Variants in TENM2 observed in about 807,000 individuals in gnomAD.
TENM2 encodes the protein teneurin-2.
In TENM2, 52 loss-of-function variants were observed where a neutral mutation model predicts 245.2. The observed-to-expected ratio is 0.21, with a 90% CI of 0.17 to 0.27. The LOEUF (loss-of-function observed/expected upper bound fraction) is 0.27. TENM2 is among the 10% of genes least tolerant of loss of function. The pLI is 1.00. For missense variants in TENM2, 3,046 were observed against 3,666.8 expected (o/e 0.83, Z 4.37); for synonymous variants, 1,363 against 1,438.9 (o/e 0.95, Z 1.19).
intron 2 of TENM2, among the ~76,000 whole-genome samples, chr5:167,439,779 A>T (rs557331802): frequency 1.3e-5 from 2 of 152,326 alleles, no homozygotes; most frequent in East Asian, 3.9e-4. Flanking sequence ...GCCAGGAAGA[A>T]TTCTATGGCA....
chr5:168,217,262 T>G (rs1392718054), intron 22 of TENM2, among the ~76,000 whole-genome samples: 1 of 152,166 alleles, frequency 6.6e-6, no homozygotes, highest in Non-Finnish European at 1.5e-5. Flanking sequence ...TACTGTACAG[T>G]GTTATATGTC....
the TENM2 span, among the ~76,000 whole-genome samples, chr5:167,276,677 G>A: frequency 3.9e-5 from 6 of 151,974 alleles, 1 homozygote; most frequent in East Asian, 7.7e-4. Flanking sequence ...GTAGATTTGC[G>A]TATAACCTAT....
At chr5:167,184,499 A>G in the TENM2 span, among the ~76,000 whole-genome samples, 3 of 152,280 alleles carry the variant, frequency 2.0e-5, no homozygotes, top group East Asian at 5.8e-4. Context: ...TCTCATTTCA[A>G]CACTATTTCA....
intron 1 of TENM2, among the ~76,000 whole-genome samples, chr5:167,345,368 G>T (rs1758392622): frequency 6.6e-6 from 1 of 152,328 alleles, no homozygotes; most frequent in African/African-American, 2.4e-5. Context: ...GGACACAAAT[G>T]TTCTCAAAAG....
At chr5:166,979,232 A>AGCAGCAGCC in the TENM2 span, among the ~76,000 whole-genome samples, 1 of 141,224 alleles carries the variant, frequency 7.1e-6, no homozygotes, top group African/African-American at 2.5e-5. Flanking sequence ...CAGCAGCAGC[A>AGCAGCAGCC]GCAGCCGCCG....
the TENM2 span, among the ~76,000 whole-genome samples, chr5:167,199,097 TA>T: frequency 0.18 from 14,677 of 79,352 alleles, 622 homozygotes; most frequent in Admixed American, 0.25. Context: ...TGATATGAAG[TA>T]AAAAAAAAAA....
chr5:167,610,354 A>G (rs1777391302), intron 2 of TENM2, among the ~76,000 whole-genome samples: 1 of 152,050 alleles, frequency 6.6e-6, no homozygotes, highest in Non-Finnish European at 1.5e-5. Flanking sequence ...ATCATTGGCC[A>G]TTGTTGACCG....
chr5:167,399,200 TATTA>T (rs1762235909), intron 2 of TENM2, among the ~76,000 whole-genome samples: 2 of 152,168 alleles, frequency 1.3e-5, no homozygotes, highest in South Asian at 4.1e-4. Context: ...GGGAGTTAAA[TATTA>T]ATTAAGAAGT....
chr5:167,565,734 G>C lies in TENM2; in HGVS notation c.502+190261G>C, dbSNP rs115806979. ...TGAAGTAATTTAGCTAATGCTATGT[G>C]CTGAGATCAGGGATTGAAATTCAAT... On this transcript the variant is annotated intron_variant, in intron 2 of 28. Coordinates refer to ENST00000518659, the Ensembl canonical transcript of TENM2. Among the ~76,000 whole-genome samples, 292 of 152,258 alleles carry C rather than the reference G, an allele frequency of 1.9e-3. 2 individuals are homozygous for C. The highest frequency in any genetic ancestry group is 6.7e-3 in the African/African-American group (279 of 41,558).
intron 2 of TENM2, among the ~76,000 whole-genome samples, chr5:167,744,486 G>T (rs374058478): frequency 6.6e-6 from 1 of 152,116 alleles, no homozygotes; most frequent in African/African-American, 2.4e-5. Flanking sequence ...GAAGTGACAA[G>T]TTCTCCCTTG....
At chr5:167,470,794 C>A (rs1766976863) in intron 2 of TENM2, among the ~76,000 whole-genome samples, 1 of 151,930 alleles carries the variant, frequency 6.6e-6, no homozygotes, top group Non-Finnish European at 1.5e-5. Flanking sequence ...ATTTACAATT[C>A]AGAAGAAAAG....
intron 2 of TENM2, among the ~76,000 whole-genome samples, chr5:167,833,016 GTTTAGTA>G (rs2151102069): frequency 1.3e-5 from 2 of 152,070 alleles, no homozygotes; most frequent in South Asian, 4.1e-4. Context: ...TAGAAAGAGG[GTTTAGTA>G]CAGAACTAAA....
chr5:168,204,291 T>C (rs1562278313), intron 18 of TENM2, 81 bp from the exon 21 acceptor site: 3 of 1,462,070 alleles, frequency 2.1e-6, no homozygotes, highest in Non-Finnish European at 2.8e-6. Context: ...AATTTGTCTC[T>C]TCCCCTCCCT....
intron 2 of TENM2, among the ~76,000 whole-genome samples, chr5:167,666,156 C>A (rs1052509164): frequency 6.6e-6 from 1 of 152,170 alleles, no homozygotes; most frequent in Admixed American, 6.5e-5. Flanking sequence ...TGACTTGTAC[C>A]AACTGGAGCC....
intron 13 of TENM2, among the ~76,000 whole-genome samples, chr5:168,180,625 G>T (rs895917328): frequency 6.6e-6 from 1 of 152,236 alleles, no homozygotes; most frequent in Non-Finnish European, 1.5e-5. Flanking sequence ...GCCAGGCACA[G>T]TGGTGCACAC....
chr5:167,135,074 G>C, the TENM2 span, among the ~76,000 whole-genome samples: 21 of 152,154 alleles, frequency 1.4e-4, no homozygotes, highest in Admixed American at 2.6e-4. Context: ...TGTGCTGGGG[G>C]AATTTAGCTA....
chr5:167,889,837 A>G (rs7708803), intron 3 of TENM2, among the ~76,000 whole-genome samples: 149,522 of 152,236 alleles, frequency 0.98, 73,474 homozygotes, highest in East Asian at 1. Flanking sequence ...CGTGAAGACT[A>G]AAAACTGGTT....
At chr5:167,046,474 G>A in the TENM2 span, among the ~76,000 whole-genome samples, 55 of 152,224 alleles carry the variant, frequency 3.6e-4, no homozygotes, top group African/African-American at 1.2e-3. Context: ...GGGAACAGTC[G>A]TTGAAATGCG....
intron 25 of TENM2, among the ~76,000 whole-genome samples, chr5:168,239,020 G>C (rs1473368941): frequency 6.6e-6 from 1 of 152,156 alleles, no homozygotes; most frequent in Admixed American, 6.5e-5. Context: ...TCTCCAGGAA[G>C]CCTCAAGGTT....
Sources: gnomAD v4.1 joint callset for allele counts (sites outside exome capture counted in the v4.1 genomes callset) on GRCh38, gnomAD v4.1.1 for gene constraint, MANE v1.5 for transcripts, NCBI Gene and HGNC (gene_info 2026-07-23, HGNC 2026-07-21) for gene names.